Variants in PARD3 observed in about 807,000 individuals in gnomAD.
PARD3 encodes the protein par-3 family cell polarity regulator, also known as partitioning defective 3 homolog.
PARD3 carries 75 observed loss-of-function variants against 155.4 expected under a neutral mutation model. The ratio of observed to expected loss-of-function variants is 0.48; its 90% CI spans 0.40 to 0.58. The LOEUF is 0.58. Among genes scored for constraint, PARD3 ranks in the 20% least tolerant of loss-of-function variants. PARD3 has a pLI of 0.00. For synonymous variants in PARD3, 576 were observed against 610.5 expected, an observed-to-expected ratio of 0.94 and a Z score of 0.83; for missense variants, 1,642 against 1,721.7, an observed-to-expected ratio of 0.95 and a Z score of 0.82.
chr10:34,652,456 A>G (rs528045790), intron 2 of PARD3, among the ~76,000 whole-genome samples: 1 of 152,342 alleles, frequency 6.6e-6, no homozygotes, highest in African/African-American at 2.4e-5. Context: ...CCCAGAAAAC[A>G]GGGAATGCGT....
At chr10:34,418,201 G>A (rs1231004618) in intron 5 of PARD3, among the ~76,000 whole-genome samples, 1 of 152,026 alleles carries the variant, frequency 6.6e-6, no homozygotes, top group African/African-American at 2.4e-5. Context: ...TTTGAGGCGT[G>A]GTCTTGTTCT....
intron 20 of PARD3, among the ~76,000 whole-genome samples, chr10:34,302,613 T>C (rs554668301): frequency 2.0e-4 from 31 of 152,314 alleles, no homozygotes; most frequent in Admixed American, 7.2e-4. Context: ...GTATCACTTG[T>C]TCTGTGAAAT....
At chr10:34,726,447 G>T (rs922811849) in intron 1 of PARD3, among the ~76,000 whole-genome samples, 2 of 152,194 alleles carry the variant, frequency 1.3e-5, no homozygotes, top group East Asian at 1.9e-4. Context: ...TTAGCCAGGC[G>T]TGGTGGCACA....
chr10:34,278,346 A>T (rs1020398122), intron 21 of PARD3, among the ~76,000 whole-genome samples: 1 of 152,200 alleles, frequency 6.6e-6, no homozygotes, highest in Non-Finnish European at 1.5e-5. Flanking sequence ...TAACATGCTT[A>T]AATCTTTTTC....
intron 1 of PARD3, among the ~76,000 whole-genome samples, chr10:34,770,848 C>T (rs1209142970): frequency 6.6e-6 from 1 of 152,142 alleles, no homozygotes; most frequent in Non-Finnish European, 1.5e-5. Context: ...CCATGACAGA[C>T]CCGGAAAGGT....
At chr10:34,811,223 C>T (rs1284616376) in intron 1 of PARD3, among the ~76,000 whole-genome samples, 2 of 152,188 alleles carry the variant, frequency 1.3e-5, no homozygotes, top group Non-Finnish European at 1.5e-5. Context: ...AGCTAAACAC[C>T]ACAGTCCTTC....
At chr10:34,561,600 C>A (rs890781995) in intron 2 of PARD3, among the ~76,000 whole-genome samples, 1 of 151,750 alleles carries the variant, frequency 6.6e-6, no homozygotes, top group African/African-American at 2.4e-5. Flanking sequence ...CTCACTGCAA[C>A]CTCTGCCTCC....
At chr10:34,725,127 G>T (rs978587163) in intron 1 of PARD3, among the ~76,000 whole-genome samples, 12 of 125,466 alleles carry the variant, frequency 9.6e-5, no homozygotes, top group African/African-American at 3.2e-4. Context: ...GTGTGTGTGT[G>T]TGTGTGTGTG....
intron 1 of PARD3, among the ~76,000 whole-genome samples, chr10:34,759,304 C>A (rs562072187): frequency 2.5e-4 from 38 of 151,954 alleles, no homozygotes; most frequent in Middle Eastern, 3.4e-3. Context: ...CCTAAATGGT[C>A]CTATCACATT....
chr10:34,581,395 C>T (rs1218453461), intron 2 of PARD3, among the ~76,000 whole-genome samples: 9 of 151,672 alleles, frequency 5.9e-5, no homozygotes, highest in African/African-American at 1.9e-4. Flanking sequence ...CCACTGCGCC[C>T]GGCTAATTTT....
chr10:34,172,091 G>C (rs1401565513), intron 22 of PARD3, among the ~76,000 whole-genome samples: 1 of 150,342 alleles, frequency 6.7e-6, no homozygotes, highest in Non-Finnish European at 1.5e-5. Context: ...TTACTAAAAA[G>C]AGATTTTTTT....
intron 2 of PARD3, among the ~76,000 whole-genome samples, chr10:34,632,186 G>C (rs2092299284): frequency 6.6e-6 from 1 of 152,210 alleles, no homozygotes; most frequent in African/African-American, 2.4e-5. Flanking sequence ...TTGGACCCAA[G>C]AGGCGGAGAT....
intron 4 of PARD3, among the ~76,000 whole-genome samples, chr10:34,453,573 T>C (rs989168624): frequency 4.6e-5 from 7 of 152,220 alleles, no homozygotes; most frequent in Admixed American, 3.9e-4. Context: ...AAAAATTGTT[T>C]AGGGAATGCT....
chr10:34,252,928 T>C (rs2570321), intron 22 of PARD3, among the ~76,000 whole-genome samples: 18,445 of 152,088 alleles, frequency 0.12, 3,069 homozygotes, highest in African/African-American at 0.38. Context: ...CAGTTATAAA[T>C]GGGTAGGATG....
intron 22 of PARD3, among the ~76,000 whole-genome samples, chr10:34,221,312 C>T (rs544579276): frequency 1.1e-3 from 161 of 151,908 alleles, no homozygotes; most frequent in African/African-American, 3.7e-3. Flanking sequence ...TCCCATGGAC[C>T]AGGGAAGCCT....
rs75002712 is a variant in PARD3 at position 34,722,915 on chromosome 10, G to A, written c.121-26496C>T. On this transcript the variant is annotated intron_variant, in intron 1 of 24. Coordinates refer to ENST00000374788, the MANE Select transcript of PARD3 (RefSeq NM_001184785.2). The stretch of plus-strand genomic sequence containing the variant: ...CAAAATGATGGAATGGAAATAGTGC[G>A]AGGGTACAGAAGAAACAAGATTGGC... Among the ~76,000 whole-genome samples the A allele has an allele frequency of 3.7e-3, 564 of 152,276 alleles. 3 individuals are homozygous for A. The highest frequency in any genetic ancestry group is 0.011 in the African/African-American group (463 of 41,548).
intron 5 of PARD3, among the ~76,000 whole-genome samples, chr10:34,405,413 AAC>A (rs1399934978): frequency 6.6e-6 from 1 of 152,188 alleles, no homozygotes; most frequent in Non-Finnish European, 1.5e-5. Context: ...TCAAATAAAA[AAC>A]ATATTATTTA....
intron 20 of PARD3, among the ~76,000 whole-genome samples, chr10:34,287,814 T>C (rs1261513143): frequency 6.6e-6 from 1 of 152,224 alleles, no homozygotes; most frequent in Non-Finnish European, 1.5e-5. Context: ...CTGTGTTTGG[T>C]ATTAAAATAT....
intron 2 of PARD3, among the ~76,000 whole-genome samples, chr10:34,564,717 C>T (rs1450787687): frequency 1.3e-5 from 2 of 152,144 alleles, no homozygotes; most frequent in Admixed American, 1.3e-4. Context: ...AAATCTCTTT[C>T]GGATGGATTT....
Sources: gnomAD v4.1 joint callset for allele counts (sites outside exome capture counted in the v4.1 genomes callset) on GRCh38, gnomAD v4.1.1 for gene constraint, MANE v1.5 for transcripts, NCBI Gene and HGNC (gene_info 2026-07-23, HGNC 2026-07-21) for gene names.